Variants in SDK1 observed in about 807,000 individuals in gnomAD.
SDK1 encodes sidekick cell adhesion molecule 1, also known as protein sidekick-1.
In SDK1, 157 loss-of-function variants were observed where a neutral mutation model predicts 245.5. That is an observed-to-expected ratio of 0.64 (90% confidence interval 0.56 to 0.73). The LOEUF is 0.73. SDK1 is among the 30% of genes least tolerant of loss of function. The probability of loss-of-function intolerance (pLI) is 0.00; values close to 1 mark genes in which losing one functional copy is unlikely to be tolerated. For synonymous variants in SDK1, 1,647 were observed against 1,278.5 expected, an observed-to-expected ratio of 1.29 and a Z score of -6.15; for missense variants, 3,583 against 3,002.3, an observed-to-expected ratio of 1.19 and a Z score of -4.52.
At chr7:3,403,322 A>G (rs542655719) in intron 1 of SDK1, among the ~76,000 whole-genome samples, 49 of 152,088 alleles carry the variant, frequency 3.2e-4, no homozygotes, top group African/African-American at 4.8e-5. Context: ...CATTTTACCC[A>G]TTTACATCAT....
At chr7:3,874,245 G>C (rs1220087144) in intron 5 of SDK1, among the ~76,000 whole-genome samples, 1 of 152,212 alleles carries the variant, frequency 6.6e-6, no homozygotes, top group African/African-American at 2.4e-5. Context: ...CATAGCATGG[G>C]ATAATTTTTC....
intron 4 of SDK1, chr7:3,643,542 C>G (rs1782721555): frequency 6.8e-6 from 1 of 146,554 alleles, no homozygotes; most frequent in East Asian, 2.1e-4. Context: ...CTTGTCTCCA[C>G]CCCCACCTGA....
chr7:4,059,699 C>G (rs568150116), intron 19 of SDK1, among the ~76,000 whole-genome samples: 127 of 152,242 alleles, frequency 8.3e-4, no homozygotes, highest in African/African-American at 3.0e-3. Flanking sequence ...GGACACAAAG[C>G]AAATCTCAAC....
chr7:3,939,300 T>C (rs1006343788), intron 5 of SDK1, among the ~76,000 whole-genome samples: 1 of 152,224 alleles, frequency 6.6e-6, no homozygotes, highest in Non-Finnish European at 1.5e-5. Context: ...TGATGAACTA[T>C]AAAGGAGGCA....
At chr7:3,571,897 T>G (rs1465889976) in intron 1 of SDK1, among the ~76,000 whole-genome samples, 3 of 152,036 alleles carry the variant, frequency 2.0e-5, no homozygotes, top group Non-Finnish European at 2.9e-5. Flanking sequence ...TACCTAGCCC[T>G]TAAAAAGCCA....
rs1297040769 is a variant in SDK1, at chr7:4,042,534, G to C, written c.2603-6814G>C. 1.5e-5 allele frequency among the ~76,000 whole-genome samples: 2 copies of C among 136,262 alleles called. 1 individual carries two copies. Among genetic ancestry groups the C allele is most frequent in the Non-Finnish European group, 3.0e-5 (2 of 65,896 alleles). 89.4% of individuals were successfully genotyped at this position (136,262 alleles called of 152,430 possible). On this transcript the variant is annotated intron_variant, in intron 17 of 44. Transcript: ENST00000404826. The stretch of plus-strand genomic sequence containing the variant: ...CAGTGAAAAGATATTTGTCTGCTCA[G>C]TGAAAACCAGAAAGGAGCATAACAC...
At chr7:4,158,640 G>A (rs1007896999) in intron 31 of SDK1, 89 bp downstream of exon 31, 2 of 873,336 alleles carry the variant, frequency 2.3e-6, no homozygotes, top group Non-Finnish European at 3.7e-6. Context: ...GAGCCAGAAA[G>A]GGGCCACCAG....
chr7:3,959,760 G>A (rs1178312767), intron 8 of SDK1, among the ~76,000 whole-genome samples: 1 of 151,798 alleles, frequency 6.6e-6, no homozygotes, highest in Non-Finnish European at 1.5e-5. Flanking sequence ...ATTCTTTTTT[G>A]TGGCCGAATA....
At chr7:3,355,379 G>A (rs953267941) in intron 1 of SDK1, among the ~76,000 whole-genome samples, 8 of 152,260 alleles carry the variant, frequency 5.3e-5, no homozygotes, top group African/African-American at 1.2e-4. Flanking sequence ...GCAATGGTGC[G>A]ATCGTAGCTC....
intron 4 of SDK1, among the ~76,000 whole-genome samples, chr7:3,647,553 A>G (rs912788511): frequency 1.3e-5 from 2 of 152,230 alleles, no homozygotes; most frequent in East Asian, 3.9e-4. Context: ...CAGCCTCCAG[A>G]GCACCTGGGA....
chr7:4,087,182 A>G (rs1781477246), intron 22 of SDK1, among the ~76,000 whole-genome samples: 1 of 152,150 alleles, frequency 6.6e-6, no homozygotes, highest in African/African-American at 2.4e-5. Context: ...AACTCCATCC[A>G]TTTGGAACTG....
At chr7:3,453,695 A>C (rs1020771539) in intron 1 of SDK1, among the ~76,000 whole-genome samples, 2 of 152,154 alleles carry the variant, frequency 1.3e-5, no homozygotes, top group African/African-American at 4.8e-5. Context: ...TCCTCTTGCC[A>C]CAGTCTCTCC....
intron 4 of SDK1, among the ~76,000 whole-genome samples, chr7:3,785,844 G>C (rs926165770): frequency 2.0e-5 from 3 of 152,124 alleles, no homozygotes. Context: ...TCTGCTGTCA[G>C]TCACATCATC....
intron 39 of SDK1, among the ~76,000 whole-genome samples, chr7:4,220,792 G>A (rs1785107247): frequency 6.6e-6 from 1 of 151,618 alleles, no homozygotes; most frequent in South Asian, 2.1e-4. Context: ...TGTTTTTTGA[G>A]ACAGGGTCTC....
intron 4 of SDK1, among the ~76,000 whole-genome samples, chr7:3,813,497 A>C (rs1779435931): frequency 7.0e-6 from 1 of 142,316 alleles, no homozygotes; most frequent in Non-Finnish European, 1.5e-5. Context: ...ACATTTTCTT[A>C]ATCCAGTCTA....
intron 4 of SDK1, among the ~76,000 whole-genome samples, chr7:3,818,466 G>A (rs1218265451): frequency 6.6e-6 from 1 of 152,174 alleles, no homozygotes; most frequent in African/African-American, 2.4e-5. Flanking sequence ...AAAGGAAATG[G>A]CCTGTAATTG....
In SDK1 at chr7:4,132,366, C is replaced by T; in HGVS notation, c.4171C>T (p.Leu1391Phe). The T allele has an allele frequency of 3.7e-6, 6 of 1,613,020 alleles. No homozygotes were observed. The South Asian group carries it at 5.5e-5, about 15-fold the overall frequency. Residue 1391 changes from leucine to phenylalanine, a missense_variant, in exon 28 of 45, where the codon CTC becomes TTC. Transcript: ENST00000404826. Reference protein sequence around the residue: ...PVRLVFPEVRLTSVRIVWQPP... With the variant: ...PVRLVFPEVRFTSVRIVWQPP... ...GAGGCTCGTGTTCCCCGAAGTGAGACTCACCTCCGTGCGGATAGTGTGGCA... is the reference window on the plus strand; with the variant it reads ...GAGGCTCGTGTTCCCCGAAGTGAGATTCACCTCCGTGCGGATAGTGTGGCA...
At chr7:4,007,764 C>T (rs1020047345) in intron 14 of SDK1, among the ~76,000 whole-genome samples, 5 of 150,688 alleles carry the variant, frequency 3.3e-5, no homozygotes, top group South Asian at 2.1e-4. Flanking sequence ...CCACCACGCC[C>T]GGCTAATTTT....
intron 1 of SDK1, among the ~76,000 whole-genome samples, chr7:3,337,024 A>G (rs547199083): frequency 2.1e-5 from 3 of 145,532 alleles, no homozygotes; most frequent in South Asian, 4.2e-4. Flanking sequence ...ATTCATACCA[A>G]TTTATACAAT....
Sources: allele counts gnomAD v4.1 joint callset (sites outside exome capture counted in the v4.1 genomes callset), GRCh38; gene constraint gnomAD v4.1.1; transcripts MANE v1.5; gene names NCBI Gene and HGNC (gene_info 2026-07-23, HGNC 2026-07-21).